The following GRM8 variants were observed in gnomAD, a reference collection of about 807,000 sequenced individuals.
The protein encoded by GRM8 is metabotropic glutamate receptor 8.
GRM8 carries 47 observed loss-of-function variants against 87.2 expected under a neutral mutation model. The observed-to-expected ratio is 0.54, with a 90% confidence interval of 0.43 to 0.69. The LOEUF is 0.69. Among genes scored for constraint, GRM8 ranks in the 30% least tolerant of loss-of-function variants. The pLI, the probability that GRM8 is intolerant of heterozygous loss-of-function variation, is 0.00. For synonymous variants in GRM8, 396 were observed against 404.5 expected (o/e 0.98, Z 0.25); for missense variants, 1,019 against 1,139.2 (o/e 0.89, Z 1.52).
At chr7:127,234,586 T>C (rs766098935) in intron 2 of GRM8, among the ~76,000 whole-genome samples, 3 of 152,182 alleles carry the variant, frequency 2.0e-5, no homozygotes, top group African/African-American at 7.2e-5. Context: ...AGCAAGCAAT[T>C]TGTATGGAGC....
At chr7:126,825,817 C>T (rs1350375190) in intron 6 of GRM8, among the ~76,000 whole-genome samples, 1 of 151,656 alleles carries the variant, frequency 6.6e-6, no homozygotes, top group African/African-American at 2.4e-5. Flanking sequence ...TGTGCTGCAC[C>T]CATTAACTCG....
intron 7 of GRM8, among the ~76,000 whole-genome samples, chr7:126,727,903 C>T (rs1297590581): frequency 6.6e-6 from 1 of 152,022 alleles, no homozygotes; most frequent in Non-Finnish European, 1.5e-5. Flanking sequence ...TAGTTTTTTA[C>T]TAGTATTATT....
intron 2 of GRM8, among the ~76,000 whole-genome samples, chr7:127,196,771 G>A (rs1383805295): frequency 6.6e-6 from 1 of 152,206 alleles, no homozygotes; most frequent in Non-Finnish European, 1.5e-5. Context: ...TCTTGGATAA[G>A]TCACTTAACT....
chr7:127,142,517 T>C (rs1828328098), intron 2 of GRM8, among the ~76,000 whole-genome samples: 1 of 152,212 alleles, frequency 6.6e-6, no homozygotes, highest in South Asian at 2.1e-4. Flanking sequence ...TAAGGTTCTC[T>C]CCCTCAATAA....
chr7:126,574,050 GC>G (rs1419678965), intron 8 of GRM8, among the ~76,000 whole-genome samples: 1 of 152,180 alleles, frequency 6.6e-6, no homozygotes, highest in Admixed American at 6.5e-5. Context: ...AGATATTCTT[GC>G]TTTTGACTTA....
chr7:127,165,185 TA>T (rs2116264092), intron 2 of GRM8, among the ~76,000 whole-genome samples: 2 of 128,012 alleles, frequency 1.6e-5, no homozygotes, highest in Admixed American at 8.0e-5. Flanking sequence ...TATATATATA[TA>T]TATATATTCA....
intron 2 of GRM8, among the ~76,000 whole-genome samples, chr7:127,149,312 G>T (rs750440538): frequency 6.6e-6 from 1 of 151,906 alleles, no homozygotes; most frequent in Non-Finnish European, 1.5e-5. Flanking sequence ...TAGATGAAAA[G>T]ATACTCAATA....
At chr7:126,860,040 A>G (rs1338507406) in intron 6 of GRM8, among the ~76,000 whole-genome samples, 1 of 152,202 alleles carries the variant, frequency 6.6e-6, no homozygotes, top group Admixed American at 6.5e-5. Context: ...ATCACATTTA[A>G]CTATAAAAAC....
intron 2 of GRM8, among the ~76,000 whole-genome samples, chr7:127,236,508 G>T (rs891958406): frequency 4.6e-5 from 7 of 152,130 alleles, no homozygotes; most frequent in African/African-American, 2.4e-5. Flanking sequence ...AAACAAAGTG[G>T]GAAGAGCCCC....
chr7:126,671,491 C>T (rs1040284180), intron 7 of GRM8, among the ~76,000 whole-genome samples: 6 of 152,274 alleles, frequency 3.9e-5, no homozygotes, highest in African/African-American at 9.6e-5. Context: ...AGAGAAATCA[C>T]GTTTCAAAAC....
intron 3 of GRM8, among the ~76,000 whole-genome samples, chr7:126,939,692 G>A (rs1350970153): frequency 6.6e-6 from 1 of 152,130 alleles, no homozygotes; most frequent in Non-Finnish European, 1.5e-5. Context: ...GGCCCATACT[G>A]ACCACACATA....
intron 9 of GRM8, chr7:126,511,273 C>T (rs1406806156): frequency 6.6e-6 from 1 of 152,044 alleles, no homozygotes; most frequent in Non-Finnish European, 1.5e-5. Flanking sequence ...TTCTGGTTTA[C>T]ACCTATATCA....
At chr7:127,015,047 AAGAAGAAGAAGAAGAAG>A (rs1225709338) in intron 3 of GRM8, among the ~76,000 whole-genome samples, 8 of 127,138 alleles carry the variant, frequency 6.3e-5, no homozygotes, top group East Asian at 4.5e-4. Flanking sequence ...GAAGAAGAAG[AAGAAGAAGAAGAAGAAG>A]AAGAAAGAAA....
chr7:127,048,425 A>G (rs1182719633), intron 3 of GRM8, among the ~76,000 whole-genome samples: 4 of 152,246 alleles, frequency 2.6e-5, no homozygotes, highest in Admixed American at 6.5e-5. Flanking sequence ...GAAGCCACTG[A>G]AAGATTTTAA....
intron 7 of GRM8, among the ~76,000 whole-genome samples, chr7:126,674,919 A>G (rs1806785231): frequency 6.6e-6 from 1 of 152,210 alleles, no homozygotes; most frequent in Admixed American, 6.5e-5. Flanking sequence ...ATATGGGCCA[A>G]ATATTGATCC....
intron 3 of GRM8, among the ~76,000 whole-genome samples, chr7:127,076,434 G>A (rs75255278): frequency 2.3e-4 from 35 of 152,296 alleles, no homozygotes; most frequent in East Asian, 7.7e-4. Context: ...GAGGCTTTGA[G>A]CCCAGGAAAG....
chr7:126,454,517 T>TC (rs2150496675), intron 9 of GRM8, among the ~76,000 whole-genome samples: 1 of 150,920 alleles, frequency 6.6e-6, no homozygotes, highest in African/African-American at 2.4e-5. Flanking sequence ...TTTTTTTTTT[T>TC]CTGGTGATAT....
chr7:126,613,381 T>C (rs758157149), intron 7 of GRM8, among the ~76,000 whole-genome samples: 1 of 152,094 alleles, frequency 6.6e-6, no homozygotes, highest in Non-Finnish European at 1.5e-5. Flanking sequence ...GTAAGAAATA[T>C]AACTTTGACA....
chr7:126,507,080 CCGCAAG>C (rs1381175409), intron 9 of GRM8, among the ~76,000 whole-genome samples: 6 of 152,140 alleles, frequency 3.9e-5, no homozygotes, highest in African/African-American at 1.2e-4. Context: ...CTTTTACTTT[CCGCAAG>C]TAATTTTCTC....
Sources: gnomAD v4.1 joint callset for allele counts (sites outside exome capture counted in the v4.1 genomes callset) on GRCh38, gnomAD v4.1.1 for gene constraint, MANE v1.5 for transcripts, NCBI Gene and HGNC (gene_info 2026-07-23, HGNC 2026-07-21) for gene names.